TTC7B: variants seen among roughly 807,000 people sequenced by gnomAD.
TTC7B encodes tetratricopeptide repeat domain 7B, also known as tetratricopeptide repeat protein 7B.
Under a neutral mutation model 106.8 loss-of-function variants are expected in TTC7B, and 28 were observed. That is an observed-to-expected ratio of 0.26 (90% CI 0.19 to 0.36). TTC7B has a LOEUF of 0.36. TTC7B is among the 10% of genes least tolerant of loss of function. The pLI, the probability that TTC7B is intolerant of heterozygous loss-of-function variation, is 1.00. For missense variants in TTC7B, 862 were observed against 1,076.4 expected (o/e 0.80, Z 2.79); for synonymous variants, 405 against 430.6 (o/e 0.94, Z 0.74).
intron 4 of TTC7B, among the ~76,000 whole-genome samples, chr14:90,743,719 C>T (rs963244713): frequency 2.6e-5 from 4 of 152,190 alleles, no homozygotes; most frequent in African/African-American, 9.7e-5. Context: ...TTCACAAGAC[C>T]TTATGTAATC....
chr14:90,716,869 A>C (rs1888676185), intron 5 of TTC7B, among the ~76,000 whole-genome samples: 1 of 152,152 alleles, frequency 6.6e-6, no homozygotes, highest in African/African-American at 2.4e-5. Flanking sequence ...GCCAGAACAG[A>C]GAGACAGAAG....
intron 5 of TTC7B, among the ~76,000 whole-genome samples, chr14:90,709,291 G>T (rs907451477): frequency 2.6e-5 from 4 of 151,064 alleles, no homozygotes; most frequent in African/African-American, 7.3e-5. Flanking sequence ...CAACCCAAAT[G>T]TCCAACAATG....
intron 3 of TTC7B, among the ~76,000 whole-genome samples, chr14:90,776,140 G>GACACACACACACACACACACACACACAC: frequency 7.1e-6 from 1 of 140,380 alleles, no homozygotes; most frequent in East Asian, 2.1e-4. Flanking sequence ...GGCCCCCCGT[G>GACACACACACACACACACACACACACAC]ACACACACAC....
intron 9 of TTC7B, among the ~76,000 whole-genome samples, chr14:90,665,898 A>G (rs1159151073): frequency 1.3e-5 from 2 of 152,222 alleles, no homozygotes; most frequent in Non-Finnish European, 2.9e-5. Flanking sequence ...TGATATATAC[A>G]AAATATTTCA....
At chr14:90,800,704 G>A (rs1362396777) in intron 1 of TTC7B, among the ~76,000 whole-genome samples, 3 of 152,086 alleles carry the variant, frequency 2.0e-5, no homozygotes, top group Non-Finnish European at 4.4e-5. Context: ...CCAGCTACTC[G>A]GGAGGCTGAG....
Position 90,577,984 on chromosome 14 carries a change from G to A in TTC7B, c.2310+122C>T, listed in dbSNP as rs1891325270. ...CTGGCTTCAGGCCATGTGACAGCCTGGCAAGCTAACTGCATGGGGCCTTTG... is the reference window on the plus strand; with the variant it reads ...CTGGCTTCAGGCCATGTGACAGCCTAGCAAGCTAACTGCATGGGGCCTTTG... On this transcript the variant is annotated intron_variant, in intron 19 of 19. Coordinates refer to ENST00000328459, the MANE Select transcript of TTC7B (RefSeq NM_001010854.2). This position sits in a 1 kb window ranked among gnomAD's most constrained non-coding sequence, Gnocchi z 5.0. The A allele has an allele frequency of 2.4e-6, 3 of 1,235,126 alleles. No homozygotes were observed. In the East Asian group the frequency reaches 7.6e-5, roughly 31 times the overall value. The allele number at this position is 1,235,126 out of a possible 1,614,324, so 76.5% of individuals were successfully genotyped here.
chr14:90,553,559 G>A (rs1453213516), intron 19 of TTC7B, among the ~76,000 whole-genome samples: 1 of 152,202 alleles, frequency 6.6e-6, no homozygotes, highest in African/African-American at 2.4e-5. Flanking sequence ...TTGGTTAAAT[G>A]TGGAGCCCTC....
chr14:90,680,240 T>G (rs1374040349), intron 8 of TTC7B, among the ~76,000 whole-genome samples: 1 of 152,204 alleles, frequency 6.6e-6, no homozygotes, highest in Admixed American at 6.5e-5. Context: ...TGCTTCAAGA[T>G]AGAAGATAGA....
chr14:90,547,166 T>A (rs575633958), intron 19 of TTC7B, among the ~76,000 whole-genome samples: 1 of 152,210 alleles, frequency 6.6e-6, no homozygotes, highest in African/African-American at 2.4e-5. Context: ...CAGACATAGA[T>A]GAAGGCTGCC....
At chr14:90,652,154 C>A (rs1489042369) in intron 13 of TTC7B, among the ~76,000 whole-genome samples, 3 of 152,208 alleles carry the variant, frequency 2.0e-5, no homozygotes, top group Non-Finnish European at 4.4e-5. Context: ...CTGACTTCAA[C>A]AGCTGCGGGA....
intron 15 of TTC7B, among the ~76,000 whole-genome samples, chr14:90,618,373 T>C (rs541462947): frequency 4.5e-4 from 68 of 152,366 alleles, no homozygotes; most frequent in Admixed American, 3.7e-3. Context: ...TTGTGAAACC[T>C]CAAAAACTCA....
chr14:90,776,960 G>T (rs956205892), intron 3 of TTC7B, among the ~76,000 whole-genome samples: 23 of 152,230 alleles, frequency 1.5e-4, no homozygotes, highest in Non-Finnish European at 2.9e-4. Flanking sequence ...TGAAGGCTGG[G>T]CATGGTGGCT....
intron 1 of TTC7B, among the ~76,000 whole-genome samples, chr14:90,794,824 A>G (rs1891719173): frequency 6.6e-6 from 1 of 152,202 alleles, no homozygotes; most frequent in South Asian, 2.1e-4. Context: ...TCAGGAGGGC[A>G]GAGATATTAA....
chr14:90,629,060 C>G (rs1286449), intron 15 of TTC7B, among the ~76,000 whole-genome samples: 2 of 152,240 alleles, frequency 1.3e-5, no homozygotes, highest in Non-Finnish European at 2.9e-5. Context: ...TGGCACCATG[C>G]CTGGCTGAAA....
chr14:90,759,201 G>A lies in TTC7B; in HGVS notation c.446-14279C>T, dbSNP rs1315425352. On this transcript the variant is annotated intron_variant, in intron 3 of 19. Coordinates refer to ENST00000328459, the MANE Select transcript of TTC7B (RefSeq NM_001010854.2). This position sits in a 1 kb window ranked among gnomAD's most constrained non-coding sequence, Gnocchi z 4.1. ...GCACATGACTCTCTCCTTCTCCACA[G>A]AACAATCTGTGTTCTGCTCCCGCCC... Among the ~76,000 whole-genome samples, 1 of 152,100 alleles carries A rather than the reference G, an allele frequency of 6.6e-6. No individual in the cohort carries two copies. The highest frequency in any genetic ancestry group is 6.5e-5 in the Admixed American group (1 of 15,270).
intron 1 of TTC7B, among the ~76,000 whole-genome samples, chr14:90,791,168 G>A (rs1408589259): frequency 2.6e-5 from 4 of 152,082 alleles, no homozygotes; most frequent in Admixed American, 6.6e-5. Context: ...ACCATTCACC[G>A]CTACTTAGTG....
intron 14 of TTC7B, 151 bp downstream of exon 14, chr14:90,646,800 C>T (rs1885475723): frequency 5.6e-6 from 4 of 709,012 alleles, no homozygotes; most frequent in South Asian, 3.4e-5. Flanking sequence ...AAACACCAGG[C>T]TCTTTGCTGA....
chr14:90,543,849 C>G (rs752366520), intron 19 of TTC7B, among the ~76,000 whole-genome samples: 2 of 152,216 alleles, frequency 1.3e-5, no homozygotes, highest in Admixed American at 1.3e-4. Flanking sequence ...TGCTCACAGG[C>G]CCCAGCTTCA....
At chr14:90,806,462 C>A (rs1314366477) in intron 1 of TTC7B, among the ~76,000 whole-genome samples, 1 of 152,202 alleles carries the variant, frequency 6.6e-6, no homozygotes, top group African/African-American at 2.4e-5. Context: ...CCCACCTGCC[C>A]CCTGCACCCT....
Sources: gnomAD v4.1 joint callset for allele counts (sites outside exome capture counted in the v4.1 genomes callset) on GRCh38, gnomAD v4.1.1 for gene constraint, Gnocchi (gnomAD v3.1) non-coding constraint, MANE v1.5 for transcripts, NCBI Gene and HGNC (gene_info 2026-07-23, HGNC 2026-07-21) for gene names.